MGAM2: variants seen among roughly 807,000 people sequenced by gnomAD.
The protein encoded by MGAM2 is probable maltase-glucoamylase 2.
MGAM2 carries 98 observed loss-of-function variants against 96.1 expected under a neutral mutation model. That is an observed-to-expected ratio of 1.02 (90% CI 0.87 to 1.21). The LOEUF is 1.21. MGAM2 is among the 50% of genes most tolerant of loss of function. MGAM2 has a pLI of 0.00. For synonymous variants in MGAM2, 749 were observed against 414.8 expected, an observed-to-expected ratio of 1.81 and a Z score of -9.79; for missense variants, 2,055 against 1,182.4, an observed-to-expected ratio of 1.74 and a Z score of -10.82.
chr7:142,144,347 T>TG (rs1375902852), intron 13 of MGAM2, among the ~76,000 whole-genome samples: 2 of 152,220 alleles, frequency 1.3e-5, no homozygotes, highest in Non-Finnish European at 2.9e-5. Context: ...AGCACTCTGA[T>TG]GAATAAGATG....
At chr7:142,135,694 A>G (rs1795036468) in intron 7 of MGAM2, among the ~76,000 whole-genome samples, 2 of 146,812 alleles carry the variant, frequency 1.4e-5, no homozygotes, top group Non-Finnish European at 3.0e-5. Context: ...TCTAATCTCA[A>G]CTTCTTTTAT....
In MGAM2 at chr7:142,167,330, T is replaced by G. The variant is rs1320486783; in HGVS notation, c.2871T>G (p.Ser957Arg). The change falls in exon 26 of 48, where the codon AGT (serine) becomes AGG (arginine). Residue 957 changes from serine (S) to arginine (R), a missense_variant. Coordinates refer to ENST00000477922, the MANE Select transcript of MGAM2 (RefSeq NM_001293626.2). ...ACACCATCCCTAATTATGTTGCTAG[T>G]GATATTCAGTACCTGAACACCAGCA... ...YYDTIPNYVA[S>R]DIQYLNTSIT... is the part of the protein sequence containing the mutation. 3 of 702,822 alleles carry G rather than the reference T, an allele frequency of 4.3e-6. No homozygotes were observed. In the African/African-American group the frequency reaches 5.2e-5, roughly 12 times the overall value. 43.5% of individuals were successfully genotyped at this position (702,822 alleles called of 1,614,324 possible).
chr7:142,116,878 C>T lies in MGAM2; in HGVS notation c.5C>T (p.Ala2Val), dbSNP rs1230026647. 2 of 703,338 alleles carry T rather than the reference C, an allele frequency of 2.8e-6. No individual in the cohort carries two copies. Among genetic ancestry groups the T allele is most frequent in the Non-Finnish European group, 5.2e-6 (2 of 385,074 alleles). The allele number at this position is 703,338 out of a possible 1,614,324, so 43.6% of individuals were successfully genotyped here. A position where few individuals can be genotyped will look rare whatever the true frequency, so the allele number is the denominator to read the frequency against. The change falls in exon 2 of 48, where the codon GCG becomes GTG. Residue 2 changes from alanine (A) to valine (V), a missense_variant. Ala to Val is a moderately conservative substitution (Grantham distance 64, BLOSUM62 0). Coordinates refer to ENST00000477922, the MANE Select transcript of MGAM2 (RefSeq NM_001293626.2). ...CAATTATCTGTGTCTATCTAGATGG[C>T]GAGGAAGCTCAGTGTATTGGAAGTC... M[A>V]RKLSVLEVLL...
chr7:142,146,215 T>G (rs1795381858), intron 14 of MGAM2, among the ~76,000 whole-genome samples: 1 of 151,870 alleles, frequency 6.6e-6, no homozygotes. Context: ...TTGATTTTTT[T>G]TTTTCCCTAT....
intron 43 of MGAM2, 85 bp downstream of exon 43, chr7:142,198,280 T>G: frequency 1.5e-6 from 1 of 658,524 alleles, no homozygotes; most frequent in Non-Finnish European, 2.8e-6. Flanking sequence ...CAAGCACATA[T>G]TTCCTAAGGC....
In MGAM2 at chr7:142,216,078, G is replaced by A. The variant is rs1342735564; in HGVS notation, c.5188-2283G>A. On this transcript the variant is annotated intron_variant, in intron 46 of 47. Transcript: ENST00000477922. ...TTGGCACATATAAATCTCATGGTCA[G>A]CTAAGACCTTCAAATTATTCTCATA... Among the ~76,000 whole-genome samples the A allele has an allele frequency of 3.9e-5, 6 of 152,080 alleles. No homozygotes were observed. In the South Asian group the frequency reaches 8.3e-4, roughly 21 times the overall value.
intron 3 of MGAM2, among the ~76,000 whole-genome samples, chr7:142,121,045 A>G (rs1276627050): frequency 6.6e-6 from 1 of 152,170 alleles, no homozygotes; most frequent in Non-Finnish European, 1.5e-5. Context: ...TCTTCTTGAG[A>G]TATTAATTAG....
chr7:142,120,450 G>A (rs530759520), intron 3 of MGAM2, 69 bp downstream of exon 3: 135 of 677,724 alleles, frequency 2.0e-4, no homozygotes, highest in Middle Eastern at 1.5e-3. Flanking sequence ...ATGTGAAGTG[G>A]GGAAAGGGTG....
intron 25 of MGAM2, among the ~76,000 whole-genome samples, chr7:142,166,966 A>G (rs1375223977): frequency 6.6e-6 from 1 of 152,106 alleles, no homozygotes; most frequent in Non-Finnish European, 1.5e-5. Context: ...CTTCATAGTC[A>G]CATGTGTACA....
chr7:142,115,091 C>T (rs1440305590), intron 1 of MGAM2, among the ~76,000 whole-genome samples: 2 of 152,164 alleles, frequency 1.3e-5, no homozygotes, highest in African/African-American at 2.4e-5. Flanking sequence ...GTGGCATGCA[C>T]TTGTAGTCCC....
intron 32 of MGAM2, among the ~76,000 whole-genome samples, chr7:142,177,600 T>A (rs1160555060): frequency 1.3e-5 from 2 of 152,190 alleles, no homozygotes; most frequent in Non-Finnish European, 2.9e-5. Flanking sequence ...TAGCTCCCAC[T>A]TATAAGTGAG....
In MGAM2 at chr7:142,222,054, C is replaced by A; in HGVS notation, c.7543C>A (p.Pro2515Thr). 1 of 398,246 alleles carries A rather than the reference C, an allele frequency of 2.5e-6. No individual in the cohort carries two copies. Among genetic ancestry groups the A allele is most frequent in the South Asian group, 1.3e-4 (1 of 7,846 alleles). The allele number at this position is 398,246 out of a possible 1,614,324, so 24.7% of individuals were successfully genotyped here. Residue 2515 changes from proline to threonine, a missense_variant, in exon 48 of 48, where the codon CCA (proline) becomes ACA (threonine). Transcript: ENST00000477922. ...AAATGCCATAAATGCTACTCAAGTT[C>A]CATGATTACTACTCAAGGCAGGATA... ...IANAINATQV[P>T]
At chr7:142,198,303 C>T in intron 43 of MGAM2, 108 bp downstream of exon 43, 1 of 631,006 alleles carries the variant, frequency 1.6e-6, no homozygotes, top group South Asian at 1.9e-5. Context: ...TAATTTTGAC[C>T]TTTTTAGCCT....
chr7:142,113,526 GTT>G (rs66974460), intron 1 of MGAM2, among the ~76,000 whole-genome samples: 1 of 149,336 alleles, frequency 6.7e-6, no homozygotes, highest in East Asian at 2.0e-4. Context: ...AGATTCCTAG[GTT>G]TTTTTTTTAT....
At chr7:142,171,725 C>T (rs1796200928) in intron 28 of MGAM2, among the ~76,000 whole-genome samples, 12 of 142,778 alleles carry the variant, frequency 8.4e-5, no homozygotes, top group Non-Finnish European at 1.5e-5. Flanking sequence ...ATCTCACAAA[C>T]TTTTAGTTAA....
chr7:142,131,531 G>A lies in MGAM2; in HGVS notation c.324G>A (p.Gln108=). ...TGCCACCCCTAGGATTTACTGCCCA[G>A]TTGAAAAGGTTGCCATCACCATCTC... ...HTNTSTGFTA[Q]LKRLPSPSLF... is the part of the protein sequence containing the mutation. Residue 108 remains glutamine (Q), a synonymous_variant, in exon 5 of 48, where the codon CAG becomes CAA. Coordinates refer to ENST00000477922, the MANE Select transcript of MGAM2 (RefSeq NM_001293626.2). The A allele has an allele frequency of 1.4e-6, 1 of 702,910 alleles. No individual in the cohort carries two copies. The allele number at this position is 702,910 out of a possible 1,614,324, so 43.5% of individuals were successfully genotyped here.
At chr7:142,180,176 T>C (rs571517305) in intron 32 of MGAM2, among the ~76,000 whole-genome samples, 2 of 152,350 alleles carry the variant, frequency 1.3e-5, no homozygotes, top group East Asian at 3.9e-4. Flanking sequence ...AAGGATATTC[T>C]GTATATTTGT....
chr7:142,179,936 C>A (rs1481650596), intron 32 of MGAM2, among the ~76,000 whole-genome samples: 2 of 152,010 alleles, frequency 1.3e-5, no homozygotes, highest in Non-Finnish European at 2.9e-5. Context: ...AGGATTGGAA[C>A]CAGCTCTTTG....
At chr7:142,178,613 C>A (rs1407476655) in intron 32 of MGAM2, among the ~76,000 whole-genome samples, 2 of 152,072 alleles carry the variant, frequency 1.3e-5, no homozygotes, top group Non-Finnish European at 2.9e-5. Flanking sequence ...ATAAAGAATT[C>A]TTTCCTTCTT....
Sources: allele counts gnomAD v4.1 joint callset (sites outside exome capture counted in the v4.1 genomes callset), GRCh38; gene constraint gnomAD v4.1.1; transcripts MANE v1.5; gene names NCBI Gene and HGNC (gene_info 2026-07-23, HGNC 2026-07-21).